ANKRD11: variants seen among roughly 807,000 people sequenced by gnomAD.
ANKRD11 encodes ankyrin repeat domain 11.
Under a neutral mutation model 195.7 loss-of-function variants are expected in ANKRD11, and 17 were observed. The ratio of observed to expected loss-of-function variants is 0.09; its 90% CI spans 0.06 to 0.13. ANKRD11 has a LOEUF of 0.13. Ranked by LOEUF, ANKRD11 falls within the 10% of genes least tolerant of loss-of-function variation. The pLI, the probability that ANKRD11 is intolerant of heterozygous loss-of-function variation, is 1.00. For synonymous variants in ANKRD11, 1,953 were observed against 1,528.1 expected, an observed-to-expected ratio of 1.28 and a Z score of -6.49; for missense variants, 3,735 against 3,566.1, an observed-to-expected ratio of 1.05 and a Z score of -1.21.
At chr16:89,473,374 G>T (rs1429423595) in intron 1 of ANKRD11, among the ~76,000 whole-genome samples, 2 of 152,138 alleles carry the variant, frequency 1.3e-5, no homozygotes, top group African/African-American at 4.8e-5. Flanking sequence ...GACTAGAGTA[G>T]AATTCCACCA....
chr16:89,387,514 T>C (rs1011066572), intron 2 of ANKRD11, among the ~76,000 whole-genome samples: 1 of 149,364 alleles, frequency 6.7e-6, no homozygotes, highest in Non-Finnish European at 1.5e-5. Flanking sequence ...CTACTAAAAA[T>C]ACAAAAAAAT....
chr16:89,425,597 C>T (rs1277936048), intron 1 of ANKRD11, among the ~76,000 whole-genome samples: 1 of 152,166 alleles, frequency 6.6e-6, no homozygotes, highest in Non-Finnish European at 1.5e-5. Context: ...TGACCTCGGT[C>T]GGTCTCCTTC....
chr16:89,282,295 A>G lies in ANKRD11; in HGVS notation c.4247T>C (p.Leu1416Pro). 1 of 1,614,100 alleles carries G rather than the reference A, an allele frequency of 6.2e-7. No individual in the cohort carries two copies. The highest frequency in any genetic ancestry group is 8.5e-7 in the Non-Finnish European group (1 of 1,180,034). The change falls in exon 9 of 13, where the codon CTA becomes CCA. Residue 1416 changes from leucine to proline, a missense_variant. Transcript: ENST00000301030. ...YNMKADIEDELDKTIELFSTE... is the reference protein window; with the variant it reads ...YNMKADIEDEPDKTIELFSTE... ...AGAAAACAATTCAATGGTTTTATCT[A>G]GCTCATCTTCTATGTCAGCTTTCAT...
chr16:89,417,750 C>T (rs1017025367), intron 2 of ANKRD11, among the ~76,000 whole-genome samples: 1 of 152,008 alleles, frequency 6.6e-6, no homozygotes, highest in African/African-American at 2.4e-5. Flanking sequence ...ATACAGAATC[C>T]TCATCCAAGG....
At chr16:89,488,411 G>T (rs1240712081) in intron 1 of ANKRD11, among the ~76,000 whole-genome samples, 1 of 151,840 alleles carries the variant, frequency 6.6e-6, no homozygotes, top group East Asian at 1.9e-4. Context: ...CCAATGCAAG[G>T]GTCACAATGA....
In ANKRD11 at chr16:89,283,564, A is replaced by C. The variant is rs540965400; in HGVS notation, c.2978T>G (p.Phe993Cys). 1.2e-6 allele frequency: 2 copies of C among 1,611,264 alleles called. No individual in the cohort carries two copies. Among genetic ancestry groups the C allele is most frequent in the East Asian group, 4.5e-5 (2 of 44,838 alleles). Residue 993 changes from phenylalanine (F) to cysteine (C), a missense_variant, in exon 9 of 13, where the codon TTT (phenylalanine) becomes TGT (cysteine). Coordinates refer to ENST00000301030, the MANE Select transcript of ANKRD11 (RefSeq NM_013275.6). This position sits in a 1 kb window ranked among gnomAD's most constrained non-coding sequence, Gnocchi z 4.3. ...TTCCCACGGCTCCAGGCCCTTCCCA[A>C]AGTCGCCGTCGGACTTGTCCTTGAA... ...SGFKDKSDGD[F>C]GKGLEPWERH...
At chr16:89,358,689 C>G (rs1226458338) in intron 2 of ANKRD11, among the ~76,000 whole-genome samples, 2 of 152,218 alleles carry the variant, frequency 1.3e-5, no homozygotes, top group Non-Finnish European at 2.9e-5. Flanking sequence ...CAGTGACAAC[C>G]CACAAGCTGC....
chr16:89,390,259 G>A (rs1274971586), intron 2 of ANKRD11, among the ~76,000 whole-genome samples: 15 of 143,066 alleles, frequency 1.0e-4, no homozygotes, highest in Non-Finnish European at 2.0e-4. Flanking sequence ...GGCGAACACC[G>A]AGTGTGGCGG....
intron 1 of ANKRD11, among the ~76,000 whole-genome samples, chr16:89,465,118 T>C (rs1309562943): frequency 6.6e-6 from 1 of 152,248 alleles, no homozygotes; most frequent in Non-Finnish European, 1.5e-5. Context: ...GTTTTAAGTG[T>C]GGCCCCGGTT....
chr16:89,294,481 G>A (rs1345764376), intron 4 of ANKRD11, among the ~76,000 whole-genome samples: 1 of 152,056 alleles, frequency 6.6e-6, no homozygotes, highest in Admixed American at 6.5e-5. Flanking sequence ...CATCTACAAC[G>A]CCCACAACAC....
intron 2 of ANKRD11, among the ~76,000 whole-genome samples, chr16:89,334,673 C>T (rs886524770): frequency 4.7e-4 from 71 of 152,074 alleles, no homozygotes; most frequent in African/African-American, 1.6e-3. Flanking sequence ...TCCACGAGGG[C>T]CCAGGAGCAA....
At chr16:89,376,178 A>C (rs1225021880) in intron 2 of ANKRD11, among the ~76,000 whole-genome samples, 1 of 152,256 alleles carries the variant, frequency 6.6e-6, no homozygotes, top group East Asian at 1.9e-4. Context: ...CAGGATTGCT[A>C]TAAGAAAGGC....
At chr16:89,363,244 C>G (rs1324301371) in intron 2 of ANKRD11, among the ~76,000 whole-genome samples, 1 of 152,058 alleles carries the variant, frequency 6.6e-6, no homozygotes, top group Non-Finnish European at 1.5e-5. Flanking sequence ...AAAATTTTTT[C>G]CTATACTCTG....
chr16:89,394,058 T>G (rs969951616), intron 2 of ANKRD11, among the ~76,000 whole-genome samples: 2 of 152,064 alleles, frequency 1.3e-5, no homozygotes, highest in Non-Finnish European at 2.9e-5. Flanking sequence ...GCTCACAGGG[T>G]GCTCCTCCCC....
chr16:89,448,557 A>C (rs909869824), intron 1 of ANKRD11, among the ~76,000 whole-genome samples: 7 of 152,238 alleles, frequency 4.6e-5, no homozygotes, highest in Non-Finnish European at 7.3e-5. Context: ...CTCTCAAACC[A>C]AAAGTTGAAA....
chr16:89,301,025 G>A (rs1001845219), intron 4 of ANKRD11: 1 of 597,598 alleles, frequency 1.7e-6, no homozygotes, highest in Non-Finnish European at 3.0e-6. Flanking sequence ...AGCGGGGCAG[G>A]AGGCTCCCCA....
intron 2 of ANKRD11, among the ~76,000 whole-genome samples, chr16:89,346,560 G>A (rs1732384080): frequency 6.6e-6 from 1 of 152,228 alleles, no homozygotes; most frequent in South Asian, 2.1e-4. Flanking sequence ...CTTCTGAAGT[G>A]ACAGTGCAGT....
At chr16:89,345,224 C>G (rs893225085) in intron 2 of ANKRD11, among the ~76,000 whole-genome samples, 1 of 151,980 alleles carries the variant, frequency 6.6e-6, no homozygotes, top group Non-Finnish European at 1.5e-5. Flanking sequence ...AAAAATGGAG[C>G]GGCAAAAAAA....
rs1251064433 is a variant in ANKRD11 at position 89,280,564 on chromosome 16, C to T, written c.5978G>A (p.Arg1993His). Residue 1993 changes from arginine (R) to histidine (H), a missense_variant, in exon 9 of 13, where the codon CGT becomes CAT. By Grantham distance (29) the Arg-to-His change is conservative. Transcript: ENST00000301030. Reference protein sequence around the residue: ...SPQRFPESPKRFCPADPLHSA... With the variant: ...SPQRFPESPKHFCPADPLHSA... ...GTGGAGGGGGTCCGCGGGGCAGAAA[C>T]GCTTTGGGGACTCGGGGAATCTCTG... 7 of 1,613,110 alleles carry T rather than the reference C, an allele frequency of 4.3e-6. No homozygotes were observed. Among genetic ancestry groups the T allele is most frequent in the Admixed American group, 3.3e-5 (2 of 60,004 alleles).
Sources: allele counts gnomAD v4.1 joint callset (sites outside exome capture counted in the v4.1 genomes callset), GRCh38; gene constraint gnomAD v4.1.1; non-coding constraint Gnocchi (gnomAD v3.1); transcripts MANE v1.5; gene names NCBI Gene and HGNC (gene_info 2026-07-23, HGNC 2026-07-21).